PATJ: variants seen among roughly 807,000 people sequenced by gnomAD.
The protein encoded by PATJ is inaD-like protein.
A neutral mutation model predicts 224.9 loss-of-function variants in PATJ; 190 were observed. The observed-to-expected ratio is 0.84, with a 90% CI of 0.75 to 0.95. The LOEUF (loss-of-function observed/expected upper bound fraction) is 0.95, where lower values mean the gene tolerates loss of function less well. Ranked by LOEUF, PATJ falls within the 40% of genes least tolerant of loss-of-function variation. The pLI is 0.00. For missense variants in PATJ, 2,121 were observed against 2,270.3 expected, an observed-to-expected ratio of 0.93 and a Z score of 1.34; for synonymous variants, 769 against 820.3, an observed-to-expected ratio of 0.94 and a Z score of 1.07.
intron 28 of PATJ, among the ~76,000 whole-genome samples, chr1:62,014,340 G>A (rs999249494): frequency 1.3e-5 from 2 of 151,950 alleles, no homozygotes; most frequent in African/African-American, 4.8e-5. Context: ...ACAGGCATGA[G>A]CCACCACACC....
chr1:61,981,258 G>A (rs1002588240), intron 27 of PATJ, among the ~76,000 whole-genome samples: 1 of 151,824 alleles, frequency 6.6e-6, no homozygotes, highest in Non-Finnish European at 1.5e-5. Flanking sequence ...TGTAGTTTAC[G>A]AACCTAGTGG....
At chr1:61,803,825 TTTTGTC>T (rs1345009117) in intron 12 of PATJ, among the ~76,000 whole-genome samples, 2 of 152,180 alleles carry the variant, frequency 1.3e-5, no homozygotes, top group East Asian at 3.8e-4. Context: ...TTAGCTCTCT[TTTTGTC>T]TTTGGAATAA....
intron 27 of PATJ, among the ~76,000 whole-genome samples, chr1:61,943,611 C>T (rs528767853): frequency 1.2e-4 from 18 of 152,234 alleles, no homozygotes; most frequent in Admixed American, 5.2e-4. Flanking sequence ...TGGAGCTCAC[C>T]GCAGCTCAAG....
At chr1:62,121,317 A>G (rs763541277) in intron 38 of PATJ, 22 bp downstream of exon 38, 2 of 1,366,920 alleles carry the variant, frequency 1.5e-6, no homozygotes, top group East Asian at 2.3e-5. Flanking sequence ...ACACACCCAG[A>G]GCAAAACTAT....
At chr1:62,108,665 A>G (rs1029780844) in intron 34 of PATJ, 145 bp downstream of exon 34, 2 of 501,028 alleles carry the variant, frequency 4.0e-6, no homozygotes, top group Admixed American at 3.4e-5. Context: ...TTTTTTCTTC[A>G]GTGTACATTA....
chr1:61,838,277 G>A (rs114647536), intron 17 of PATJ, among the ~76,000 whole-genome samples: 2 of 152,214 alleles, frequency 1.3e-5, no homozygotes, highest in Non-Finnish European at 2.9e-5. Context: ...CCATTGTCAT[G>A]CCTTATAGGA....
chr1:61,893,172 TC>T (rs1456368597), intron 22 of PATJ, among the ~76,000 whole-genome samples: 1 of 152,200 alleles, frequency 6.6e-6, no homozygotes, highest in Admixed American at 6.5e-5. Context: ...ACTCACACTA[TC>T]TAGATAAGCT....
intron 21 of PATJ, 172 bp downstream of exon 21, chr1:61,875,538 T>G (rs1478453447): frequency 4.0e-6 from 2 of 503,570 alleles, no homozygotes; most frequent in African/African-American, 4.0e-5. Flanking sequence ...TAAACATGCC[T>G]CAGATTTCAA....
Position 62,121,168 on chromosome 1 carries a change from G to A in PATJ, c.4891-13G>A, listed in dbSNP as rs760404973. 1.3e-6 allele frequency: 2 copies of A among 1,586,266 alleles called. No individual in the cohort carries two copies. The highest frequency in any genetic ancestry group is 1.7e-5 in the Admixed American group (1 of 58,964). ...GTGTCTGCACACAGGTGACCCCTGG[G>A]TCTTTCTTTCAGGGTAGTCAGCAGA... On this transcript the variant is annotated splice_polypyrimidine_tract_variant and intron_variant, in intron 37 of 43. Transcript: ENST00000642238.
chr1:62,117,471 T>G, intron 37 of PATJ: 1 of 1,282,432 alleles, frequency 7.8e-7, no homozygotes, highest in Non-Finnish European at 1.0e-6. Flanking sequence ...TAGTTCTATA[T>G]TGCCTATGCA....
chr1:61,954,311 A>G (rs1680125112), intron 27 of PATJ, among the ~76,000 whole-genome samples: 1 of 152,150 alleles, frequency 6.6e-6, no homozygotes, highest in Admixed American at 6.5e-5. Flanking sequence ...TTTTTGGCAT[A>G]TTTTACAAAA....
At chr1:62,085,800 C>T (rs1030284193) in intron 33 of PATJ, among the ~76,000 whole-genome samples, 1 of 131,254 alleles carries the variant, frequency 7.6e-6, no homozygotes, top group African/African-American at 3.0e-5. Context: ...GCCTGAGCAA[C>T]AGAGCAAGGC....
intron 14 of PATJ, among the ~76,000 whole-genome samples, chr1:61,810,000 A>C (rs560259347): frequency 7.3e-5 from 11 of 151,630 alleles, no homozygotes; most frequent in Non-Finnish European, 1.2e-4. Flanking sequence ...GACATGTGTC[A>C]CCACCCCCGG....
chr1:61,870,066 C>T (rs954590891), intron 20 of PATJ, among the ~76,000 whole-genome samples: 5 of 152,200 alleles, frequency 3.3e-5, no homozygotes, highest in Non-Finnish European at 5.9e-5. Context: ...CCTCTGCCAG[C>T]GAGGGCAAAG....
chr1:62,047,907 G>A (rs576168666), intron 30 of PATJ, among the ~76,000 whole-genome samples: 193 of 152,152 alleles, frequency 1.3e-3, no homozygotes, highest in African/African-American at 4.4e-3. Context: ...AAAATCCATG[G>A]TCTATTAACA....
At chr1:61,825,071 T>C (rs1467856234) in intron 15 of PATJ, among the ~76,000 whole-genome samples, 2 of 152,202 alleles carry the variant, frequency 1.3e-5, no homozygotes, top group Non-Finnish European at 2.9e-5. Flanking sequence ...GGCATGTCAC[T>C]TGACTTTGTT....
intron 1 of PATJ, among the ~76,000 whole-genome samples, chr1:61,749,031 CTG>C (rs1457796770): frequency 6.6e-6 from 1 of 151,648 alleles, no homozygotes; most frequent in Admixed American, 6.6e-5. Context: ...GGCTGCAGTG[CTG>C]TGGCACCATC....
chr1:61,885,872 T>G (rs1340431985), intron 22 of PATJ, among the ~76,000 whole-genome samples: 2 of 152,010 alleles, frequency 1.3e-5, no homozygotes, highest in Non-Finnish European at 2.9e-5. Context: ...TTCATGTCCT[T>G]TGTAGGGACA....
At chr1:61,826,508 G>T (rs1009287375) in intron 15 of PATJ, among the ~76,000 whole-genome samples, 15 of 152,178 alleles carry the variant, frequency 9.9e-5, no homozygotes, top group African/African-American at 3.4e-4. Flanking sequence ...AGCTTTTTGG[G>T]AGTAGCAGAC....
Sources: gnomAD v4.1 joint callset for allele counts (sites outside exome capture counted in the v4.1 genomes callset) on GRCh38, gnomAD v4.1.1 for gene constraint, MANE v1.5 for transcripts, NCBI Gene and HGNC (gene_info 2026-07-23, HGNC 2026-07-21) for gene names.